Variants in LANCL2 observed in about 807,000 individuals in gnomAD.
LANCL2 encodes lanC-like protein 2.
LANCL2 carries 33 observed loss-of-function variants against 56.9 expected under a neutral mutation model. The ratio of observed to expected loss-of-function variants is 0.58; its 90% CI spans 0.44 to 0.78. The LOEUF (loss-of-function observed/expected upper bound fraction) is 0.78. Among genes scored for constraint, LANCL2 ranks in the 30% least tolerant of loss-of-function variants. The pLI, the probability that LANCL2 is intolerant of heterozygous loss-of-function variation, is 0.00. For missense variants in LANCL2, 562 were observed against 580.2 expected (o/e 0.97, Z 0.32); for synonymous variants, 233 against 228.2 (o/e 1.02, Z -0.19).
chr7:55,415,371 G>A (rs560271475), intron 6 of LANCL2, among the ~76,000 whole-genome samples: 1 of 152,326 alleles, frequency 6.6e-6, no homozygotes, highest in East Asian at 1.9e-4. Flanking sequence ...AGAGAGAACT[G>A]CATTGGGAGT....
At chr7:55,384,907 C>G (rs1006519319) in intron 1 of LANCL2, among the ~76,000 whole-genome samples, 4 of 152,180 alleles carry the variant, frequency 2.6e-5, no homozygotes, top group African/African-American at 9.7e-5. Context: ...TTACAGCAGA[C>G]TGGGCATGAT....
chr7:55,385,819 G>A (rs1790119068), intron 1 of LANCL2, among the ~76,000 whole-genome samples: 2 of 152,182 alleles, frequency 1.3e-5, no homozygotes, highest in African/African-American at 4.8e-5. Flanking sequence ...ATAAGCCTGG[G>A]AGCGCTATGG....
Position 55,392,333 on chromosome 7 carries a change from CT to C in LANCL2, c.322+436del, listed in dbSNP as rs71031842. ...TAAAGATTTTATATCTTTTTTTTTT[CT>C]TTTTTTTTTTTTGAGACGGAGTCTC... On this transcript the variant is annotated intron_variant, in intron 2 of 8. Transcript: ENST00000254770. Among the ~76,000 whole-genome samples, 100 of 136,216 alleles carry C rather than the reference CT, an allele frequency of 7.3e-4. 1 individual carries two copies. Among genetic ancestry groups the C allele is most frequent in the Middle Eastern group, 3.8e-3 (1 of 266 alleles). 89.4% of individuals were successfully genotyped at this position (136,216 alleles called of 152,430 possible).
rs866312931 is a variant in LANCL2, at chr7:55,384,319, C to T, written c.205-7474C>T. On this transcript the variant is annotated intron_variant, in intron 1 of 8. Coordinates refer to ENST00000254770, the MANE Select transcript of LANCL2 (RefSeq NM_018697.4). ...CTGTAATCCCAGCACTTTGGGAGGC[C>T]GAGGCGGGTGGATCACGAGGTCAGG... 6.6e-5 allele frequency among the ~76,000 whole-genome samples: 10 copies of T among 151,982 alleles called. No individual in the cohort carries two copies. In the South Asian group the frequency reaches 1.0e-3, roughly 16 times the overall value.
intron 1 of LANCL2, among the ~76,000 whole-genome samples, chr7:55,378,370 G>C (rs965088125): frequency 1.3e-5 from 2 of 152,066 alleles, no homozygotes; most frequent in African/African-American, 2.4e-5. Context: ...TGAGGCATAA[G>C]AATCACTTGA....
chr7:55,403,823 G>C (rs1790373510), intron 5 of LANCL2, among the ~76,000 whole-genome samples: 1 of 152,044 alleles, frequency 6.6e-6, no homozygotes, highest in South Asian at 2.1e-4. Flanking sequence ...GCCCACGTCA[G>C]CCTCCCAAAA....
intron 5 of LANCL2, among the ~76,000 whole-genome samples, chr7:55,409,314 G>C (rs1264963408): frequency 6.6e-6 from 1 of 151,550 alleles, no homozygotes; most frequent in Non-Finnish European, 1.5e-5. Context: ...GGACGGTCTC[G>C]ATCTGACCTC....
At chr7:55,391,162 G>A (rs62457864) in intron 1 of LANCL2, among the ~76,000 whole-genome samples, 20,198 of 150,744 alleles carry the variant, frequency 0.13, 1,649 homozygotes, top group Middle Eastern at 0.23. Flanking sequence ...GACTACAGGC[G>A]CCCGCCACCA....
chr7:55,431,136 G>T, intron 8 of LANCL2, 90 bp from the exon 9 acceptor site: 3 of 879,812 alleles, frequency 3.4e-6, no homozygotes, highest in Non-Finnish European at 5.1e-6. Flanking sequence ...CCACATGCTT[G>T]CAGCCCCTGG....
At chr7:55,410,349 A>C (rs1220298844) in intron 5 of LANCL2, among the ~76,000 whole-genome samples, 1 of 152,262 alleles carries the variant, frequency 6.6e-6, no homozygotes, top group East Asian at 1.9e-4. Flanking sequence ...GTGTATCAGG[A>C]AAAACACCTA....
At chr7:55,417,043 G>A (rs767283472) in intron 6 of LANCL2, among the ~76,000 whole-genome samples, 23 of 133,578 alleles carry the variant, frequency 1.7e-4, no homozygotes, top group Admixed American at 5.1e-4. Context: ...GCAGTGGCAC[G>A]ATCTCTGCTC....
In LANCL2 at chr7:55,401,170, GT is replaced by G; in HGVS notation, c.679-3del. The G allele has an allele frequency of 6.2e-7, 1 of 1,613,584 alleles. No individual in the cohort carries two copies. Among genetic ancestry groups the G allele is most frequent in the Non-Finnish European group, 8.5e-7 (1 of 1,179,562 alleles). ...AGATTTATGCTGTCTTGTTATCTCT[GT>G]AGGTAGTCAATGCTATTATTGAATC... On this transcript the variant is annotated splice_polypyrimidine_tract_variant and splice_region_variant and intron_variant, in intron 4 of 8. Coordinates refer to ENST00000254770, the MANE Select transcript of LANCL2 (RefSeq NM_018697.4).
At chr7:55,366,804 A>T (rs1789879340) in intron 1 of LANCL2, among the ~76,000 whole-genome samples, 1 of 152,356 alleles carries the variant, frequency 6.6e-6, no homozygotes, top group African/African-American at 2.4e-5. Context: ...TCTCTTGAAT[A>T]TGTTTTACGT....
At chr7:55,402,482 TCC>T (rs1790347223) in intron 5 of LANCL2, among the ~76,000 whole-genome samples, 1 of 70,718 alleles carries the variant, frequency 1.4e-5, no homozygotes, top group South Asian at 4.7e-4. Context: ...GGGGCTCCTC[TCC>T]TCCCAGTAGG....
intron 1 of LANCL2, among the ~76,000 whole-genome samples, chr7:55,391,207 A>C: frequency 6.6e-6 from 1 of 150,718 alleles, no homozygotes; most frequent in East Asian, 2.0e-4. Context: ...TTTAGTAGAG[A>C]CGGGGTTTCA....
intron 6 of LANCL2, among the ~76,000 whole-genome samples, chr7:55,414,088 G>A (rs1454737225): frequency 6.6e-6 from 1 of 152,072 alleles, no homozygotes; most frequent in African/African-American, 2.4e-5. Flanking sequence ...AATTTAAAAA[G>A]GAAAAAGCAT....
At chr7:55,369,159 C>T (rs534322323) in intron 1 of LANCL2, among the ~76,000 whole-genome samples, 32 of 152,284 alleles carry the variant, frequency 2.1e-4, no homozygotes, top group Admixed American at 9.2e-4. Context: ...GATTTTGGGG[C>T]TGTAGGCTCC....
At chr7:55,366,299 A>G (rs1269663110) in intron 1 of LANCL2, 70 bp downstream of exon 1, 8 of 1,316,158 alleles carry the variant, frequency 6.1e-6, no homozygotes, top group South Asian at 1.6e-5. Context: ...ACCTTCCGCC[A>G]GGCGTGACGT....
Position 55,417,136 on chromosome 7 carries a change from C to T in LANCL2, c.1008+5047C>T, listed in dbSNP as rs189273639. ...CTGGGACTACAGGCGCCCGTCACCA[C>T]GCCTGGCTAATTTTTTGTATTTTTA... On this transcript the variant is annotated intron_variant, in intron 6 of 8. Coordinates refer to ENST00000254770, the MANE Select transcript of LANCL2 (RefSeq NM_018697.4). 5.5e-3 allele frequency among the ~76,000 whole-genome samples: 838 copies of T among 151,972 alleles called. 8 individuals carry two copies. The highest frequency in any genetic ancestry group is 0.018 in the African/African-American group (733 of 41,442).
Sources: allele counts gnomAD v4.1 joint callset (sites outside exome capture counted in the v4.1 genomes callset), GRCh38; gene constraint gnomAD v4.1.1; transcripts MANE v1.5; gene names NCBI Gene and HGNC (gene_info 2026-07-23, HGNC 2026-07-21).